OSBPL10: variants seen among roughly 807,000 people sequenced by gnomAD.
The protein encoded by OSBPL10 is oxysterol binding protein like 10, also known as oxysterol-binding protein-related protein 10.
OSBPL10 carries 49 observed loss-of-function variants against 81.7 expected under a neutral mutation model. The ratio of observed to expected loss-of-function variants is 0.60; its 90% confidence interval spans 0.48 to 0.76. OSBPL10 has a LOEUF of 0.76. Ranked by LOEUF, OSBPL10 falls within the 30% of genes least tolerant of loss-of-function variation. The pLI, the probability that OSBPL10 is intolerant of heterozygous loss-of-function variation, is 0.00. For missense variants in OSBPL10, 923 were observed against 987.8 expected (o/e 0.93, Z 0.88); for synonymous variants, 419 against 383.6 (o/e 1.09, Z -1.08).
At chr3:31,977,050 G>A (rs971454914) in intron 1 of OSBPL10, among the ~76,000 whole-genome samples, 1 of 152,078 alleles carries the variant, frequency 6.6e-6, no homozygotes. Context: ...AGTTCATACA[G>A]CCAGTTTCTT....
At chr3:31,918,946 A>C (rs551421416) in intron 1 of OSBPL10, among the ~76,000 whole-genome samples, 65 of 152,312 alleles carry the variant, frequency 4.3e-4, no homozygotes, top group African/African-American at 1.5e-3. Flanking sequence ...TCGATCTACA[A>C]GATAAAGTCA....
At chr3:31,937,421 C>A (rs910969391) in intron 1 of OSBPL10, among the ~76,000 whole-genome samples, 1 of 152,222 alleles carries the variant, frequency 6.6e-6, no homozygotes, top group African/African-American at 2.4e-5. Context: ...GCATAGCCAA[C>A]TTGCCTCAAG....
At chr3:31,962,648 T>C (rs1698202071) in intron 1 of OSBPL10, among the ~76,000 whole-genome samples, 1 of 152,188 alleles carries the variant, frequency 6.6e-6, no homozygotes, top group African/African-American at 2.4e-5. Context: ...AGTTAGGGTT[T>C]CAATCGCTCC....
intron 1 of OSBPL10, among the ~76,000 whole-genome samples, chr3:31,924,227 AAAGAAAGAAAGAAAAG>A (rs1343797550): frequency 2.0e-5 from 3 of 150,904 alleles, no homozygotes; most frequent in Admixed American, 2.0e-4. Flanking sequence ...TAAAAAAAAA[AAAGAAAGAAAGAAAAG>A]AAAAAAAGAA....
At chr3:32,060,110 T>C (rs1410206177) in intron 1 of OSBPL10, among the ~76,000 whole-genome samples, 1 of 152,116 alleles carries the variant, frequency 6.6e-6, no homozygotes, top group African/African-American at 2.4e-5. Context: ...TTACGGTATA[T>C]ATACATTTCT....
At chr3:31,735,357 T>C (rs1697118524) in intron 5 of OSBPL10, among the ~76,000 whole-genome samples, 1 of 152,160 alleles carries the variant, frequency 6.6e-6, no homozygotes, top group Non-Finnish European at 1.5e-5. Flanking sequence ...ACAGGATTGA[T>C]TGAGCCCAGG....
At chr3:32,006,538 C>A (rs1699206732) in intron 2 of OSBPL10, among the ~76,000 whole-genome samples, 1 of 152,132 alleles carries the variant, frequency 6.6e-6, no homozygotes, top group Non-Finnish European at 1.5e-5. Context: ...TCTTCTACCC[C>A]CAAAAAGATA....
At chr3:31,941,509 T>C (rs990970580) in intron 1 of OSBPL10, among the ~76,000 whole-genome samples, 1 of 152,216 alleles carries the variant, frequency 6.6e-6, no homozygotes, top group Non-Finnish European at 1.5e-5. Context: ...AACAATGATT[T>C]GGAAACGTAC....
chr3:31,800,308 C>CA (rs1699347242), intron 4 of OSBPL10, among the ~76,000 whole-genome samples: 1 of 152,336 alleles, frequency 6.6e-6, no homozygotes, highest in Admixed American at 6.5e-5. Flanking sequence ...GACAAGGAAG[C>CA]CGCATTTCAC....
At chr3:32,016,353 A>C (rs1224315745) in intron 2 of OSBPL10, among the ~76,000 whole-genome samples, 2 of 152,128 alleles carry the variant, frequency 1.3e-5, no homozygotes, top group African/African-American at 2.4e-5. Flanking sequence ...AGGACAAAAA[A>C]CCAAACACCG....
intron 3 of OSBPL10, among the ~76,000 whole-genome samples, chr3:31,857,961 G>A (rs944627969): frequency 4.0e-4 from 60 of 150,122 alleles, no homozygotes; most frequent in African/African-American, 1.5e-3. Context: ...TTGACTGGTT[G>A]GTTGTTCCTA....
chr3:31,701,850 T>C (rs1360162601), intron 7 of OSBPL10: 1 of 154,010 alleles, frequency 6.5e-6, no homozygotes. Flanking sequence ...CAATGAGATT[T>C]GGATCAGCAA....
intron 4 of OSBPL10, among the ~76,000 whole-genome samples, chr3:31,793,545 C>T (rs1180735143): frequency 6.6e-6 from 1 of 152,098 alleles, no homozygotes; most frequent in Non-Finnish European, 1.5e-5. Flanking sequence ...CTAAGAAATC[C>T]AAAACTAAGC....
intron 2 of OSBPL10, among the ~76,000 whole-genome samples, chr3:32,012,802 G>A (rs1172942075): frequency 6.6e-6 from 1 of 152,160 alleles, no homozygotes; most frequent in Non-Finnish European, 1.5e-5. Context: ...CCTAGTCTCT[G>A]ATAAAACAGA....
intron 7 of OSBPL10, among the ~76,000 whole-genome samples, chr3:31,697,578 C>T (rs538772348): frequency 1.6e-4 from 24 of 152,164 alleles, no homozygotes; most frequent in African/African-American, 4.8e-4. Flanking sequence ...AACAATAAAA[C>T]GAATAGCAAT....
intron 1 of OSBPL10, among the ~76,000 whole-genome samples, chr3:31,950,259 A>G (rs1697829962): frequency 6.6e-6 from 1 of 152,222 alleles, no homozygotes; most frequent in South Asian, 2.1e-4. Flanking sequence ...CACTCCTACA[A>G]ACCAATGCAA....
At chr3:31,976,026 G>A (rs1474720051) in intron 1 of OSBPL10, among the ~76,000 whole-genome samples, 1 of 152,152 alleles carries the variant, frequency 6.6e-6, no homozygotes, top group African/African-American at 2.4e-5. Flanking sequence ...TTAGAGGCTG[G>A]GAAGGGGAGC....
At position 31,661,299 on chromosome 3, in the gene OSBPL10, A is replaced by C. The variant is rs1163597999; in HGVS notation, c.*773T>G. The C allele has an allele frequency of 6.6e-6, 1 of 152,266 alleles. No homozygotes were observed. The highest frequency in any genetic ancestry group is 2.4e-5 in the African/African-American group (1 of 41,448). 9.4% of individuals were successfully genotyped at this position (152,266 alleles called of 1,614,324 possible). A position where few individuals can be genotyped will look rare whatever the true frequency, so the allele number is the denominator to read the frequency against. The stretch of plus-strand genomic sequence containing the variant: ...TAAAGCCCTTTTTCATCACAAAAGA[A>C]GTCTCCATATGATTGACTGGTTTTC... On this transcript the variant is annotated 3_prime_UTR_variant, in exon 12 of 12. Transcript: ENST00000396556.
chr3:31,802,890 C>T (rs1699420219), intron 4 of OSBPL10, among the ~76,000 whole-genome samples: 1 of 151,854 alleles, frequency 6.6e-6, no homozygotes, highest in African/African-American at 2.4e-5. Flanking sequence ...GCCACCCAGT[C>T]AGCTCTAGTT....
Sources: allele counts gnomAD v4.1 joint callset (sites outside exome capture counted in the v4.1 genomes callset), GRCh38; gene constraint gnomAD v4.1.1; transcripts MANE v1.5; gene names NCBI Gene and HGNC (gene_info 2026-07-23, HGNC 2026-07-21).